AMZ1: variants seen among roughly 807,000 people sequenced by gnomAD.
The protein encoded by AMZ1 is archaelysin family metallopeptidase 1, also known as archaemetzincin-1.
In AMZ1, 39 loss-of-function variants were observed where a neutral mutation model predicts 29.9. That is an observed-to-expected ratio of 1.30 (90% confidence interval 1.01 to 1.70). The LOEUF is 1.70. AMZ1 is among the 40% of genes most tolerant of loss of function. The pLI is 0.00. For missense variants in AMZ1, 1,041 were observed against 680.6 expected (o/e 1.53, Z -5.89); for synonymous variants, 458 against 304.0 (o/e 1.51, Z -5.27).
In AMZ1 at chr7:2,717,453, G is replaced by C. The variant is rs111568450; in HGVS notation, c.*4575G>C. On this transcript the variant is annotated 3_prime_UTR_variant, in exon 7 of 7. Transcript: ENST00000683327. Reference sequence around the variant, plus strand: ...TGGGAGAGGCCCCGGGAACCGGCTCGCCCTGTACCCAAGGGCTCTCTGGAG... The same window carrying C: ...TGGGAGAGGCCCCGGGAACCGGCTCCCCCTGTACCCAAGGGCTCTCTGGAG... Among the ~76,000 whole-genome samples, 1 of 152,308 alleles carries C rather than the reference G, an allele frequency of 6.6e-6. No individual in the cohort carries two copies. The highest frequency in any genetic ancestry group is 1.5e-5 in the Non-Finnish European group (1 of 68,022).
At chr7:2,720,173 G>C (rs920365180), downstream of AMZ1, among the ~76,000 whole-genome samples, 3 of 152,220 alleles carry the variant, frequency 2.0e-5, no homozygotes, top group Non-Finnish European at 4.4e-5. Flanking sequence ...GCTCCCCTCT[G>C]AGACTCGGCT....
At chr7:2,726,121 A>G (rs1377083108) in intron 4 of AMZ1, among the ~76,000 whole-genome samples, 1 of 152,234 alleles carries the variant, frequency 6.6e-6, no homozygotes, top group Non-Finnish European at 1.5e-5. Context: ...ACTGCTAAGC[A>G]CATGTGATGC....
rs187202020 is a variant in AMZ1, at chr7:2,753,958, C to T, written n.551-10754C>T. ...ACCACGAGCTCTGTAGGTCCGGCGG[C>T]GCATCTTAGGTGCTTTGTTCACTTG... On this transcript the variant is annotated intron_variant and non_coding_transcript_variant, in intron 4 of 4. Transcript: ENST00000489665. 2.2e-3 allele frequency among the ~76,000 whole-genome samples: 337 copies of T among 152,226 alleles called. 1 individual carries two copies. The highest frequency in any genetic ancestry group is 3.6e-3 in the Admixed American group (55 of 15,298).
intron 4 of AMZ1, among the ~76,000 whole-genome samples, chr7:2,743,977 T>A (rs761393453): frequency 6.6e-6 from 1 of 151,486 alleles, no homozygotes; most frequent in Non-Finnish European, 1.5e-5. Context: ...GGGGGAGGGG[T>A]ACCCACCATT....
chr7:2,746,519 G>C (rs1216833546), intron 4 of AMZ1, among the ~76,000 whole-genome samples: 2 of 151,766 alleles, frequency 1.3e-5, no homozygotes, highest in African/African-American at 4.9e-5. Flanking sequence ...ATTCAAAGCA[G>C]TGTGTAGAGG....
At chr7:2,739,916 G>T (rs371441540) in intron 4 of AMZ1, among the ~76,000 whole-genome samples, 1 of 152,094 alleles carries the variant, frequency 6.6e-6, no homozygotes, top group Non-Finnish European at 1.5e-5. Context: ...CCAGTGATCC[G>T]CCCGCCTTGG....
At chr7:2,729,876 G>A (rs950790675) in intron 4 of AMZ1, 1 of 152,444 alleles carries the variant, frequency 6.6e-6, no homozygotes, top group African/African-American at 2.4e-5. Flanking sequence ...CTGGCAGGTA[G>A]CTGGACAAGT....
rs951523691 is a variant in AMZ1, at chr7:2,716,656, G to C, written c.*3778G>C. 1 of 152,248 alleles carries C rather than the reference G, an allele frequency of 6.6e-6. No individual in the cohort carries two copies. The highest frequency in any genetic ancestry group is 2.4e-5 in the African/African-American group (1 of 41,464). The allele number at this position is 152,248 out of a possible 1,614,324, so 9.4% of individuals were successfully genotyped here. ...ACAGTGCCAAGGGAGCTGCTCTGCA[G>C]ACCCACCAGGCAGGGACGGCCAGGC... On this transcript the variant is annotated 3_prime_UTR_variant, in exon 7 of 7. Transcript: ENST00000683327.
At position 2,696,235 on chromosome 7, in the gene AMZ1, C is replaced by T. The variant is rs187061565; in HGVS notation, c.-218-3999C>T. On this transcript the variant is annotated intron_variant, in intron 1 of 6. Coordinates refer to ENST00000683327, the MANE Select transcript of AMZ1 (RefSeq NM_001384743.1). The stretch of plus-strand genomic sequence containing the variant: ...ATGAAGCCCTGCCTGGAACACAGTG[C>T]GGTTTGTGGCTCTTGATAGTCATTT... Among the ~76,000 whole-genome samples the T allele has an allele frequency of 3.5e-4, 52 of 147,422 alleles. 1 individual carries two copies. Among genetic ancestry groups the T allele is most frequent in the East Asian group, 1.6e-3 (8 of 4,880 alleles).
intron 4 of AMZ1, among the ~76,000 whole-genome samples, chr7:2,733,169 T>G (rs771525168): frequency 2.6e-5 from 4 of 152,220 alleles, no homozygotes; most frequent in Non-Finnish European, 5.9e-5. Flanking sequence ...TTGAGTATGT[T>G]TGAATTTTCC....
chr7:2,686,132 C>T (rs568255498), upstream of AMZ1, among the ~76,000 whole-genome samples: 3 of 152,208 alleles, frequency 2.0e-5, no homozygotes, highest in Non-Finnish European at 2.9e-5. Context: ...ATCCATGACA[C>T]GGAGTCCAGC....
intron 6 of AMZ1, among the ~76,000 whole-genome samples, chr7:2,711,447 G>C (rs1788768844): frequency 6.6e-6 from 1 of 152,254 alleles, no homozygotes; most frequent in Non-Finnish European, 1.5e-5. Context: ...AGTGAGTGCT[G>C]AGTTGGGAAC....
chr7:2,742,165 A>G (rs189841275), intron 4 of AMZ1, among the ~76,000 whole-genome samples: 48 of 151,622 alleles, frequency 3.2e-4, no homozygotes, highest in Admixed American at 2.4e-3. Context: ...GGGATTACAG[A>G]GGTGCACCAC....
At chr7:2,708,118 C>T (rs73675027) in intron 3 of AMZ1, among the ~76,000 whole-genome samples, 20 of 152,254 alleles carry the variant, frequency 1.3e-4, no homozygotes, top group Middle Eastern at 3.4e-3. Flanking sequence ...CCACTGTGCC[C>T]GGCCTTACCG....
intron 5 of AMZ1, 26 bp from the exon 6 acceptor site, chr7:2,709,614 A>T: frequency 6.2e-7 from 1 of 1,600,568 alleles, no homozygotes; most frequent in Non-Finnish European, 8.5e-7. Context: ...GCAGTGAGGC[A>T]AGGTGCTTGG....
chr7:2,755,704 CTGATA>C (rs1791261044), intron 4 of AMZ1, among the ~76,000 whole-genome samples: 2 of 152,212 alleles, frequency 1.3e-5, no homozygotes, highest in African/African-American at 4.8e-5. Context: ...TTCTTTTTCT[CTGATA>C]TGTCTACCCT....
rs1443488294 is a variant in AMZ1 at position 2,713,582 on chromosome 7, T to C, written c.*704T>C. The C allele has an allele frequency of 6.6e-6, 1 of 152,644 alleles. No individual in the cohort carries two copies. Among genetic ancestry groups the C allele is most frequent in the African/African-American group, 2.4e-5 (1 of 41,562 alleles). The allele number at this position is 152,644 out of a possible 1,614,324, so 9.5% of individuals were successfully genotyped here. A position where few individuals can be genotyped will look rare whatever the true frequency, so the allele number is the denominator to read the frequency against. On this transcript the variant is annotated 3_prime_UTR_variant, in exon 7 of 7. Coordinates refer to ENST00000683327, the MANE Select transcript of AMZ1 (RefSeq NM_001384743.1). Reference sequence around the variant, plus strand: ...GCCACCCAGCTTCCAAGGCTGAGTCTCCTCCCTAACGGGGAAGTGACGGGG... The same window carrying C: ...GCCACCCAGCTTCCAAGGCTGAGTCCCCTCCCTAACGGGGAAGTGACGGGG...
rs188843628 is a variant in AMZ1 at position 2,694,144 on chromosome 7, G to C, written c.-219+5848G>C. On this transcript the variant is annotated intron_variant, in intron 1 of 6. Coordinates refer to ENST00000683327, the MANE Select transcript of AMZ1 (RefSeq NM_001384743.1). ...GTGCTCGAGATGACATTAGGATTAGGACAGTGGGTTCAGGAAGGTGGACTG... is the reference window on the plus strand; with the variant it reads ...GTGCTCGAGATGACATTAGGATTAGCACAGTGGGTTCAGGAAGGTGGACTG... Among the ~76,000 whole-genome samples the C allele has an allele frequency of 3.0e-3, 452 of 152,306 alleles. 2 individuals carry two copies. The highest frequency in any genetic ancestry group is 4.9e-3 in the Non-Finnish European group (332 of 68,036).
intron 4 of AMZ1, among the ~76,000 whole-genome samples, chr7:2,739,640 T>C (rs1033486634): frequency 1.3e-5 from 2 of 152,216 alleles, no homozygotes; most frequent in African/African-American, 4.8e-5. Context: ...ATTTCTTGAG[T>C]ATACACCTAG....
Sources: gnomAD v4.1 joint callset for allele counts (sites outside exome capture counted in the v4.1 genomes callset) on GRCh38, gnomAD v4.1.1 for gene constraint, MANE v1.5 for transcripts, NCBI Gene and HGNC (gene_info 2026-07-23, HGNC 2026-07-21) for gene names.